The following ZNF695 variants were observed in gnomAD, a reference collection of about 807,000 sequenced individuals.
ZNF695 encodes zinc finger protein SBZF3.
In ZNF695, 11 loss-of-function variants were observed where a neutral mutation model predicts 11.2. The ratio of observed to expected loss-of-function variants is 0.98; its 90% CI spans 0.62 to 1.62. ZNF695 has a LOEUF of 1.62. Among genes scored for constraint, ZNF695 ranks in the 40% most tolerant of loss-of-function variants. The pLI is 0.00. For synonymous variants in ZNF695, 190 were observed against 201.4 expected, an observed-to-expected ratio of 0.94 and a Z score of 0.48; for missense variants, 559 against 590.5, an observed-to-expected ratio of 0.95 and a Z score of 0.55.
chr1:246,975,772 T>G (rs1056832456), intron 4 of ZNF695, among the ~76,000 whole-genome samples: 1 of 152,126 alleles, frequency 6.6e-6, no homozygotes, highest in Non-Finnish European at 1.5e-5. Flanking sequence ...GAAAATGATT[T>G]AAATTATGTC....
chr1:246,971,587 ACT>A (rs895999016), intron 4 of ZNF695, among the ~76,000 whole-genome samples: 81 of 152,030 alleles, frequency 5.3e-4, no homozygotes, highest in African/African-American at 1.3e-3. Context: ...GAGGGCTCAC[ACT>A]CTTGCCTTCT....
At chr1:246,966,706 C>A in intron 5 of ZNF695, 1 of 450,120 alleles carries the variant, frequency 2.2e-6, no homozygotes, top group Middle Eastern at 3.3e-4. Context: ...GATCGCTTGA[C>A]CCTGGGAGTT....
At chr1:246,946,248 A>G (rs924882488) in intron 5 of ZNF695, among the ~76,000 whole-genome samples, 3 of 151,782 alleles carry the variant, frequency 2.0e-5, no homozygotes, top group African/African-American at 2.4e-5. Context: ...GAGTCTACCT[A>G]TCACTATATG....
At chr1:246,971,464 C>T (rs961185414) in intron 4 of ZNF695, among the ~76,000 whole-genome samples, 1 of 152,092 alleles carries the variant, frequency 6.6e-6, no homozygotes, top group Non-Finnish European at 1.5e-5. Flanking sequence ...TCTAAATTCC[C>T]CAGGGAAAGG....
At chr1:247,007,473 C>A (rs1669572795) in intron 1 of ZNF695, among the ~76,000 whole-genome samples, 1 of 122,702 alleles carries the variant, frequency 8.1e-6, no homozygotes, top group African/African-American at 3.3e-5. Flanking sequence ...TCCAGCCTGG[C>A]GACAGGGCGA....
At position 246,973,066 on chromosome 1, in the gene ZNF695, T is replaced by TG. The variant is rs1271245910; in HGVS notation, c.391-5275dup. The stretch of plus-strand genomic sequence containing the variant: ...AGAACATATATATATATATATATTT[T>TG]GAGACGGAGTTTCACTCTTGTTGCC... On this transcript the variant is annotated intron_variant, in intron 4 of 5. Transcript: ENST00000487338. Among the ~76,000 whole-genome samples the TG allele has an allele frequency of 3.6e-3, 537 of 150,798 alleles. 2 individuals are homozygous for TG. Among genetic ancestry groups the TG allele is most frequent in the Admixed American group, 8.3e-3 (126 of 15,160 alleles).
chr1:246,976,765 G>A (rs1240239255), intron 4 of ZNF695, among the ~76,000 whole-genome samples: 3 of 152,120 alleles, frequency 2.0e-5, no homozygotes, highest in Non-Finnish European at 4.4e-5. Flanking sequence ...CTGCACTCCA[G>A]CCTGGGCGAC....
chr1:247,008,035 C>A lies in ZNF695; in HGVS notation c.-127G>T, dbSNP rs1669594233. 4.5e-6 allele frequency: 5 copies of A among 1,099,788 alleles called. No individual in the cohort carries two copies. 68.1% of individuals were successfully genotyped at this position (1,099,788 alleles called of 1,614,324 possible). On this transcript the variant is annotated 5_prime_UTR_variant, in exon 1 of 4. Coordinates refer to ENST00000339986, the MANE Select transcript of ZNF695 (RefSeq NM_020394.5). ...AGGCAGCAGACGGGAACCCAGCACCCCGCCGGCCGCAAGGAGACAAAGGCC... is the reference window on the plus strand; with the variant it reads ...AGGCAGCAGACGGGAACCCAGCACCACGCCGGCCGCAAGGAGACAAAGGCC...
chr1:246,992,710 CCTTT>C (rs1390382589), intron 3 of ZNF695, among the ~76,000 whole-genome samples: 2 of 151,964 alleles, frequency 1.3e-5, no homozygotes, highest in African/African-American at 4.8e-5. Context: ...TTTTAAAAAT[CCTTT>C]CTGAGAACTC....
intron 5 of ZNF695, among the ~76,000 whole-genome samples, chr1:246,965,691 C>A (rs1011569802): frequency 6.6e-6 from 1 of 151,798 alleles, no homozygotes; most frequent in African/African-American, 2.4e-5. Context: ...GAGCTGAGAT[C>A]GTTCCACCGT....
rs764597402 is a variant in ZNF695, at chr1:246,987,323, G to C, written c.1192C>G (p.His398Asp). ...AFTWFSYLIQHKRIHTGQKPY... is the reference protein window; with the variant it reads ...AFTWFSYLIQDKRIHTGQKPY... ...TTCTGCCCAGTATGAATTCTCTTAT[G>C]CTGAATAAGGTATGAGAACCAGGTA... The change falls in exon 4 of 4, where the codon CAT (histidine) becomes GAT (aspartate). Residue 398 changes from histidine (H) to aspartate (D), a missense_variant. Transcript: ENST00000339986. The C allele has an allele frequency of 2.5e-6, 4 of 1,613,534 alleles. No homozygotes were observed. In the African/African-American group the frequency reaches 5.4e-5, roughly 22 times the overall value.
chr1:247,003,657 T>C (rs1028185865), intron 1 of ZNF695, among the ~76,000 whole-genome samples: 1 of 152,238 alleles, frequency 6.6e-6, no homozygotes, highest in Non-Finnish European at 1.5e-5. Flanking sequence ...AAAGTTTCTC[T>C]ATCTTTATAG....
At chr1:246,972,489 T>A (rs898612474) in intron 4 of ZNF695, among the ~76,000 whole-genome samples, 1 of 152,242 alleles carries the variant, frequency 6.6e-6, no homozygotes, top group African/African-American at 2.4e-5. Flanking sequence ...TCTTGTGCAC[T>A]ACTGGGAATC....
At chr1:246,963,737 T>C (rs1244295010) in intron 5 of ZNF695, among the ~76,000 whole-genome samples, 1 of 151,948 alleles carries the variant, frequency 6.6e-6, no homozygotes, top group Non-Finnish European at 1.5e-5. Context: ...GTGTGTGGAG[T>C]TTTCCCCACA....
intron 5 of ZNF695, among the ~76,000 whole-genome samples, chr1:246,965,480 T>TA (rs1166000702): frequency 6.6e-6 from 1 of 152,108 alleles, no homozygotes; most frequent in Non-Finnish European, 1.5e-5. Context: ...CTCACGCCTG[T>TA]AATCCCAGTA....
chr1:246,964,035 T>G (rs188303733), intron 5 of ZNF695, among the ~76,000 whole-genome samples: 8 of 152,282 alleles, frequency 5.3e-5, no homozygotes, highest in Admixed American at 1.3e-4. Context: ...GGAAGGATAT[T>G]ACAAAGGATA....
At chr1:246,980,451 C>T (rs1307721362), downstream of ZNF695, among the ~76,000 whole-genome samples, 11 of 144,300 alleles carry the variant, frequency 7.6e-5, no homozygotes. Flanking sequence ...GACTCTTACT[C>T]TGTCGCTCAG....
chr1:247,003,250 A>G (rs1346332251), intron 1 of ZNF695, among the ~76,000 whole-genome samples: 1 of 152,216 alleles, frequency 6.6e-6, no homozygotes, highest in East Asian at 1.9e-4. Flanking sequence ...ATAAAATGAC[A>G]TACATGAACA....
At position 246,956,070 on chromosome 1, in the gene ZNF695, C is replaced by A. The variant is rs142019925; in HGVS notation, c.489-10243G>T. Among the ~76,000 whole-genome samples the A allele has an allele frequency of 1.2e-4, 18 of 150,994 alleles. No homozygotes were observed. The East Asian group carries it at 3.6e-3, about 30-fold the overall frequency. ...GTGGCATGATCTCGGCTCACTGCAACCTCCACCTCCTGGGTTCAAGCAGTT... is the reference window on the plus strand; with the variant it reads ...GTGGCATGATCTCGGCTCACTGCAAACTCCACCTCCTGGGTTCAAGCAGTT... On this transcript the variant is annotated intron_variant, in intron 5 of 5. Transcript: ENST00000487338.
Sources: allele counts gnomAD v4.1 joint callset (sites outside exome capture counted in the v4.1 genomes callset), GRCh38; gene constraint gnomAD v4.1.1; transcripts MANE v1.5; gene names NCBI Gene and HGNC (gene_info 2026-07-23, HGNC 2026-07-21).